The following PTPRM variants were observed in gnomAD, a reference collection of about 807,000 sequenced individuals.
The protein encoded by PTPRM is receptor-type tyrosine-protein phosphatase mu.
Under a neutral mutation model 186.7 loss-of-function variants are expected in PTPRM, and 47 were observed. The observed-to-expected ratio is 0.25, with a 90% CI of 0.20 to 0.32. PTPRM has a LOEUF of 0.32. PTPRM is among the 10% of genes least tolerant of loss of function. PTPRM has a pLI of 1.00. For missense variants in PTPRM, 1,494 were observed against 1,865.0 expected, an observed-to-expected ratio of 0.80 and a Z score of 3.66; for synonymous variants, 668 against 674.9, an observed-to-expected ratio of 0.99 and a Z score of 0.16.
intron 1 of PTPRM, among the ~76,000 whole-genome samples, chr18:7,642,438 T>C (rs2038465373): frequency 6.6e-6 from 1 of 152,182 alleles, no homozygotes; most frequent in Admixed American, 6.5e-5. Context: ...CATTGGTTGG[T>C]GGCATTAGCC....
At chr18:8,039,903 T>A (rs1363205289) in intron 7 of PTPRM, among the ~76,000 whole-genome samples, 1 of 152,210 alleles carries the variant, frequency 6.6e-6, no homozygotes, top group Non-Finnish European at 1.5e-5. Flanking sequence ...TTCATATGCA[T>A]GGATACCTGG....
At chr18:7,860,040 G>C (rs1185955262) in intron 2 of PTPRM, among the ~76,000 whole-genome samples, 2 of 152,038 alleles carry the variant, frequency 1.3e-5, no homozygotes, top group East Asian at 1.9e-4. Context: ...TGAATTGTGA[G>C]TATTTCTGCC....
At chr18:7,728,026 G>T (rs2040583159) in intron 1 of PTPRM, among the ~76,000 whole-genome samples, 1 of 152,072 alleles carries the variant, frequency 6.6e-6, no homozygotes, top group South Asian at 2.1e-4. Context: ...TTTGGGATTC[G>T]GACCCAAATC....
rs143625437 is a variant in PTPRM, at chr18:7,692,981, C to T, written c.74-81168C>T. On this transcript the variant is annotated intron_variant, in intron 1 of 32. Coordinates refer to ENST00000580170, the MANE Select transcript of PTPRM (RefSeq NM_001105244.2). ...AAAATGATGTCCTGGAATTAGTTTG[C>T]TTATATTTTGGGAGTAATTTTTCAG... Among the ~76,000 whole-genome samples, 34 of 152,262 alleles carry T rather than the reference C, an allele frequency of 2.2e-4. No individual in the cohort carries two copies. In the East Asian group the frequency reaches 6.2e-3, roughly 28 times the overall value.
At chr18:7,583,266 A>G (rs2036892415) in intron 1 of PTPRM, among the ~76,000 whole-genome samples, 1 of 152,262 alleles carries the variant, frequency 6.6e-6, no homozygotes, top group African/African-American at 2.4e-5. Flanking sequence ...CCTAGGTGCT[A>G]GGTCCTTTAC....
chr18:8,251,808 CAT>C (rs1265220419), intron 17 of PTPRM: 2 of 152,186 alleles, frequency 1.3e-5, no homozygotes, highest in Non-Finnish European at 1.5e-5. Flanking sequence ...AAATAAATAA[CAT>C]ATGAATAACT....
chr18:8,369,564 C>T (rs1172475345), intron 23 of PTPRM, among the ~76,000 whole-genome samples: 2 of 152,180 alleles, frequency 1.3e-5, no homozygotes, highest in African/African-American at 2.4e-5. Flanking sequence ...TCAGGAAGAG[C>T]GCAGTGACTG....
intron 23 of PTPRM, among the ~76,000 whole-genome samples, chr18:8,344,442 G>GTATATATATATATA (rs1568792305): frequency 2.7e-5 from 1 of 36,782 alleles, no homozygotes; most frequent in African/African-American, 7.1e-5. Context: ...GTGTGTGTGT[G>GTATATATATATATA]TGTGTGTATA....
chr18:7,679,228 A>G (rs990362114), intron 1 of PTPRM, among the ~76,000 whole-genome samples: 30 of 152,268 alleles, frequency 2.0e-4, no homozygotes, highest in Admixed American at 6.5e-4. Context: ...ACCATTAGGA[A>G]GATATACTGT....
intron 2 of PTPRM, among the ~76,000 whole-genome samples, chr18:7,862,836 G>A (rs919911905): frequency 6.6e-6 from 1 of 152,050 alleles, no homozygotes; most frequent in Non-Finnish European, 1.5e-5. Context: ...AACAGGTCTC[G>A]GTATGCAGCC....
At chr18:8,265,991 GC>G (rs1568631124) in intron 19 of PTPRM, among the ~76,000 whole-genome samples, 1 of 151,948 alleles carries the variant, frequency 6.6e-6, no homozygotes, top group Non-Finnish European at 1.5e-5. Context: ...TGATCCACAG[GC>G]ACTTCTCTGG....
At chr18:7,628,199 A>G (rs570621911) in intron 1 of PTPRM, among the ~76,000 whole-genome samples, 2 of 152,280 alleles carry the variant, frequency 1.3e-5, no homozygotes, top group African/African-American at 4.8e-5. Context: ...CAGGATATGT[A>G]TTCTGTGAAC....
At chr18:8,185,583 G>T (rs186717242) in intron 14 of PTPRM, among the ~76,000 whole-genome samples, 405 of 152,316 alleles carry the variant, frequency 2.7e-3, no homozygotes, top group African/African-American at 9.2e-3. Context: ...GTGGCCTCAG[G>T]TGGCTCTGGG....
chr18:7,987,731 AT>A (rs1170902637), intron 7 of PTPRM, among the ~76,000 whole-genome samples: 1 of 152,292 alleles, frequency 6.6e-6, no homozygotes, highest in Middle Eastern at 3.4e-3. Context: ...ATCACATCTA[AT>A]TTTAAAAACC....
intron 19 of PTPRM, among the ~76,000 whole-genome samples, chr18:8,260,527 A>G (rs2094618943): frequency 6.6e-6 from 1 of 152,094 alleles, no homozygotes; most frequent in Admixed American, 6.5e-5. Context: ...CTCACTCATT[A>G]GCATGAGGAT....
intron 15 of PTPRM, among the ~76,000 whole-genome samples, chr18:8,244,706 C>G (rs2094461714): frequency 6.6e-6 from 1 of 152,196 alleles, no homozygotes; most frequent in Admixed American, 6.5e-5. Flanking sequence ...AAGTCTTATG[C>G]TTCATACCAG....
At chr18:8,330,496 C>T (rs1179891440) in intron 22 of PTPRM, among the ~76,000 whole-genome samples, 1 of 152,100 alleles carries the variant, frequency 6.6e-6, no homozygotes, top group Non-Finnish European at 1.5e-5. Flanking sequence ...CTGAGAAGAG[C>T]TTAATTAAGG....
chr18:7,628,731 C>T (rs1016675086), intron 1 of PTPRM, among the ~76,000 whole-genome samples: 1 of 152,126 alleles, frequency 6.6e-6, no homozygotes, highest in Non-Finnish European at 1.5e-5. Context: ...CAGGCACTGT[C>T]CTAAATGCTG....
At chr18:7,809,861 T>C (rs891465664) in intron 2 of PTPRM, among the ~76,000 whole-genome samples, 2 of 152,000 alleles carry the variant, frequency 1.3e-5, no homozygotes, top group African/African-American at 4.8e-5. Context: ...TTAAAAAGGG[T>C]TGGGAACAGA....
Sources: gnomAD v4.1 joint callset for allele counts (sites outside exome capture counted in the v4.1 genomes callset) on GRCh38, gnomAD v4.1.1 for gene constraint, MANE v1.5 for transcripts, NCBI Gene and HGNC (gene_info 2026-07-23, HGNC 2026-07-21) for gene names.